The following ASAH1 variants were observed in gnomAD, a reference collection of about 807,000 sequenced individuals.
ASAH1 encodes acid ceramidase.
Under a neutral mutation model 59.5 loss-of-function variants are expected in ASAH1, and 70 were observed. The ratio of observed to expected loss-of-function variants is 1.18; its 90% CI spans 0.97 to 1.43. ASAH1 has a LOEUF of 1.43. Ranked by LOEUF, ASAH1 falls within the 40% of genes most tolerant of loss-of-function variation. ASAH1 has a pLI of 0.00. For missense variants in ASAH1, 660 were observed against 482.5 expected (o/e 1.37, Z -3.45); for synonymous variants, 213 against 166.5 (o/e 1.28, Z -2.15).
intron 4 of ASAH1, 81 bp downstream of exon 4, chr8:18,069,711 G>C: frequency 9.8e-7 from 1 of 1,019,876 alleles, no homozygotes; most frequent in South Asian, 1.3e-5. Flanking sequence ...CTGCGAAGAG[G>C]TTGCTGAATT....
At chr8:18,061,541 T>G in intron 9 of ASAH1, 83 bp from the exon 10 acceptor site, 1 of 1,446,266 alleles carries the variant, frequency 6.9e-7, no homozygotes, top group Non-Finnish European at 9.7e-7. Flanking sequence ...CTGGACTATA[T>G]AACCAGTCAG....
chr8:18,067,130 G>T, intron 5 of ASAH1, 90 bp downstream of exon 5: 7 of 566,066 alleles, frequency 1.2e-5, no homozygotes, highest in Non-Finnish European at 1.4e-5. Flanking sequence ...AAGACATACA[G>T]CACCTGTGCT....
At position 18,061,473 on chromosome 8, in the gene ASAH1, C is replaced by T. The variant is rs1249707366; in HGVS notation, c.704-15G>A. ...TTCTAGAATACCTGGAAGAGATGAA[C>T]ACAATGTCAGGAACCGGAAGAGGTG... On this transcript the variant is annotated splice_polypyrimidine_tract_variant and intron_variant, in intron 9 of 13. Coordinates refer to ENST00000637790, the MANE Select transcript of ASAH1 (RefSeq NM_177924.5). 6.2e-7 allele frequency: 1 copy of T among 1,603,392 alleles called. No homozygotes were observed.
At chr8:18,070,553 G>T (rs1477043719) in intron 3 of ASAH1, among the ~76,000 whole-genome samples, 1 of 152,046 alleles carries the variant, frequency 6.6e-6, no homozygotes, top group Non-Finnish European at 1.5e-5. Flanking sequence ...CAAAGTACTG[G>T]GATTGATTAC....
rs371258132 is a variant in ASAH1 at position 18,061,784 on chromosome 8, C to T, written c.649-44G>A. The T allele has an allele frequency of 3.0e-4, 454 of 1,522,536 alleles. 2 individuals carry two copies. Among genetic ancestry groups the T allele is most frequent in the Middle Eastern group, 1.0e-3 (6 of 5,954 alleles). 94.3% of individuals were successfully genotyped at this position (1,522,536 alleles called of 1,614,324 possible). ...AACGAAGTCAGAAACATCAACCATG[C>T]GCTTTAAGGCCCTGTCGCTCACTGT... On this transcript the variant is annotated intron_variant, in intron 8 of 13. Coordinates refer to ENST00000637790, the MANE Select transcript of ASAH1 (RefSeq NM_177924.5).
chr8:18,059,207 T>A (rs1182185829), intron 12 of ASAH1, 134 bp downstream of exon 12: 6 of 1,413,602 alleles, frequency 4.2e-6, no homozygotes, highest in Non-Finnish European at 5.8e-6. Context: ...AACAAAAAAA[T>A]CAGTGGAGAG....
At chr8:18,083,730 C>T (rs1203633064) in intron 1 of ASAH1, among the ~76,000 whole-genome samples, 1 of 152,240 alleles carries the variant, frequency 6.6e-6, no homozygotes, top group African/African-American at 2.4e-5. Context: ...GTGCGAATCA[C>T]ACCCAGGTAT....
At chr8:18,058,075 A>G (rs1159250702) in intron 13 of ASAH1, 1 of 154,300 alleles carries the variant, frequency 6.5e-6, no homozygotes, top group Non-Finnish European at 1.4e-5. Context: ...TTTCCAATAC[A>G]GTGGGGGAAA....
rs1199572494 is a variant in ASAH1 at position 18,058,961 on chromosome 8, G to A, written c.1042-70C>T. On this transcript the variant is annotated intron_variant, in intron 12 of 13. Transcript: ENST00000637790. ...AGCCAACAGCCTTATCTACACACATGGGCCACCAGAAACCAAGACATTCTT... is the reference window on the plus strand; with the variant it reads ...AGCCAACAGCCTTATCTACACACATAGGCCACCAGAAACCAAGACATTCTT... 1.0e-5 allele frequency: 14 copies of A among 1,357,252 alleles called. No individual in the cohort carries two copies. In the Admixed American group the frequency reaches 2.0e-4, roughly 20 times the overall value. 84.1% of individuals were successfully genotyped at this position (1,357,252 alleles called of 1,614,324 possible). A position where few individuals can be genotyped will look rare whatever the true frequency, so the allele number is the denominator to read the frequency against.
chr8:18,059,488 C>T (rs689586), intron 11 of ASAH1, 24 bp from the exon 12 acceptor site: 2 of 1,614,164 alleles, frequency 1.2e-6, no homozygotes, highest in East Asian at 4.5e-5. Flanking sequence ...GAGAGATTCC[C>T]TCTTAGGCTA....
At chr8:18,084,406 C>T (rs913167191), upstream of ASAH1, 26 of 1,396,398 alleles carry the variant, frequency 1.9e-5, no homozygotes, top group Non-Finnish European at 2.4e-5. Flanking sequence ...GGGAGCTTCA[C>T]CCGTGGCGCC....
intron 13 of ASAH1, chr8:18,058,439 C>A: frequency 1.7e-5 from 3 of 179,372 alleles, no homozygotes; most frequent in Non-Finnish European, 1.2e-5. Context: ...AAAAGATAAA[C>A]AGATGTAGTA....
intron 8 of ASAH1, 135 bp downstream of exon 8, chr8:18,062,144 G>C: frequency 8.4e-7 from 1 of 1,185,706 alleles, no homozygotes; most frequent in Non-Finnish European, 1.2e-6. Flanking sequence ...TACCTATGAA[G>C]TGACAAGAAG....
chr8:18,078,863 C>G (rs1318622289), intron 1 of ASAH1, among the ~76,000 whole-genome samples: 1 of 152,090 alleles, frequency 6.6e-6, no homozygotes, highest in East Asian at 1.9e-4. Context: ...CTCTCTAACC[C>G]TCTCCCCACA....
intron 4 of ASAH1, 137 bp from the exon 5 acceptor site, chr8:18,067,435 C>T (rs762598043): frequency 4.8e-6 from 2 of 415,750 alleles, no homozygotes; most frequent in Non-Finnish European, 7.9e-6. Context: ...ATACTGCTAT[C>T]ATAATAAGTG....
chr8:18,061,407 A>G lies in ASAH1; in HGVS notation c.755T>C (p.Leu252Pro), dbSNP rs1364836936. 6.2e-7 allele frequency: 1 copy of G among 1,612,978 alleles called. No individual in the cohort carries two copies. The highest frequency in any genetic ancestry group is 1.3e-5 in the African/African-American group (1 of 75,052). Residue 252 changes from leucine to proline, a missense_variant, in exon 10 of 14, where the codon CTC becomes CCC. Coordinates refer to ENST00000637790, the MANE Select transcript of ASAH1 (RefSeq NM_177924.5). ...GCTATTTTCCAGAACTGTTCTAGTG[A>G]GGAACCCTATCCACATGACATCTTT... Reference protein sequence around the residue: ...GKKDVMWIGFLTRTVLENSTS... With the variant: ...GKKDVMWIGFPTRTVLENSTS...
chr8:18,078,839 A>G (rs928242857), intron 1 of ASAH1, among the ~76,000 whole-genome samples: 1 of 152,158 alleles, frequency 6.6e-6, no homozygotes. Flanking sequence ...ACAAAATCCA[A>G]CTTAGAATCA....
chr8:18,081,833 G>C (rs1258769322), intron 1 of ASAH1, among the ~76,000 whole-genome samples: 2 of 152,106 alleles, frequency 1.3e-5, no homozygotes, highest in Non-Finnish European at 2.9e-5. Context: ...TCTTCTCAGA[G>C]AATGAAGTCA....
intron 1 of ASAH1, 151 bp downstream of exon 1, chr8:18,083,830 C>A (rs1003465445): frequency 1.2e-5 from 17 of 1,474,636 alleles, no homozygotes; most frequent in Admixed American, 8.6e-5. Flanking sequence ...CCGCTCTGCA[C>A]CCACACCCCT....
Sources: allele counts gnomAD v4.1 joint callset (sites outside exome capture counted in the v4.1 genomes callset), GRCh38; gene constraint gnomAD v4.1.1; transcripts MANE v1.5; gene names NCBI Gene and HGNC (gene_info 2026-07-23, HGNC 2026-07-21).